The following CNTN3 variants were observed in gnomAD, a reference collection of about 807,000 sequenced individuals.
CNTN3 encodes contactin 3, also known as contactin-3.
In CNTN3, 60 loss-of-function variants were observed where a neutral mutation model predicts 119.1. That is an observed-to-expected ratio of 0.50 (90% confidence interval 0.41 to 0.62). The LOEUF (loss-of-function observed/expected upper bound fraction) is 0.62, where lower values mean the gene tolerates loss of function less well. CNTN3 is among the 20% of genes least tolerant of loss of function. CNTN3 has a pLI of 0.00. For synonymous variants in CNTN3, 450 were observed against 438.7 expected (o/e 1.03, Z -0.32); for missense variants, 1,101 against 1,242.4 (o/e 0.89, Z 1.71).
intron 4 of CNTN3, among the ~76,000 whole-genome samples, chr3:74,476,635 A>G (rs1447001920): frequency 2.0e-5 from 3 of 152,196 alleles, no homozygotes; most frequent in Admixed American, 2.0e-4. Flanking sequence ...ATGAATGAAT[A>G]CCTAAATACT....
chr3:74,370,323 G>A (rs1450943853), intron 6 of CNTN3, among the ~76,000 whole-genome samples: 5 of 152,024 alleles, frequency 3.3e-5, no homozygotes, highest in Non-Finnish European at 5.9e-5. Flanking sequence ...AGGTTACCAC[G>A]TACAGAGCAG....
At chr3:74,338,180 C>T (rs777659797) in intron 11 of CNTN3, among the ~76,000 whole-genome samples, 1 of 151,850 alleles carries the variant, frequency 6.6e-6, no homozygotes, top group Non-Finnish European at 1.5e-5. Context: ...TCATATATGC[C>T]AACTATGGTA....
At chr3:74,266,403 G>C (rs1701660527) in intron 22 of CNTN3, 78 bp downstream of exon 22, 8 of 1,375,900 alleles carry the variant, frequency 5.8e-6, no homozygotes, top group African/African-American at 1.4e-5. Context: ...AGAATGGACA[G>C]AGGGATACTG....
At chr3:74,421,063 A>G (rs978178070) in intron 5 of CNTN3, among the ~76,000 whole-genome samples, 5 of 152,210 alleles carry the variant, frequency 3.3e-5, no homozygotes, top group Non-Finnish European at 7.3e-5. Context: ...CTTTTACCCA[A>G]AAAGAATCTC....
chr3:74,502,904 C>T (rs748260021), intron 2 of CNTN3, among the ~76,000 whole-genome samples: 5 of 152,078 alleles, frequency 3.3e-5, no homozygotes, highest in African/African-American at 4.8e-5. Context: ...TTATTTGTAT[C>T]GAATTCATTG....
At chr3:74,383,492 CTTTT>C (rs1422537833) in intron 5 of CNTN3, among the ~76,000 whole-genome samples, 1 of 151,824 alleles carries the variant, frequency 6.6e-6, no homozygotes, top group Non-Finnish European at 1.5e-5. Context: ...TTTTTCTTTT[CTTTT>C]GTTTTTTGAG....
intron 19 of CNTN3, among the ~76,000 whole-genome samples, chr3:74,289,562 T>C (rs1702183488): frequency 6.6e-6 from 1 of 152,158 alleles, no homozygotes; most frequent in African/African-American, 2.4e-5. Flanking sequence ...TTTTTTTTCT[T>C]CAGTACAATC....
At chr3:74,526,034 T>A (rs1703613845) in intron 1 of CNTN3, among the ~76,000 whole-genome samples, 1 of 151,896 alleles carries the variant, frequency 6.6e-6, no homozygotes, top group African/African-American at 2.4e-5. Context: ...TTTGGCAACA[T>A]TTCTTTCAGA....
intron 4 of CNTN3, among the ~76,000 whole-genome samples, chr3:74,451,997 G>A (rs1702167028): frequency 7.2e-6 from 1 of 139,100 alleles, no homozygotes; most frequent in Admixed American, 7.3e-5. Flanking sequence ...TGGCGATGCA[G>A]GCTCTTTTTT....
intron 4 of CNTN3, among the ~76,000 whole-genome samples, chr3:74,468,376 T>A (rs1026393931): frequency 1.2e-4 from 19 of 152,154 alleles, no homozygotes; most frequent in Admixed American, 3.3e-4. Context: ...TAGATTTTTT[T>A]TAAATGAAAT....
At chr3:74,405,085 TC>T (rs1705292102) in intron 5 of CNTN3, among the ~76,000 whole-genome samples, 1 of 152,108 alleles carries the variant, frequency 6.6e-6, no homozygotes, top group Admixed American at 6.5e-5. Flanking sequence ...ATATACGGTT[TC>T]TGTCTTTGGA....
chr3:74,300,168 A>G (rs920026341), intron 16 of CNTN3, among the ~76,000 whole-genome samples: 1 of 152,198 alleles, frequency 6.6e-6, no homozygotes, highest in Non-Finnish European at 1.5e-5. Context: ...AAAATCTCTC[A>G]AACAGTAATA....
At chr3:74,466,896 A>T (rs1702471461) in intron 4 of CNTN3, among the ~76,000 whole-genome samples, 1 of 152,174 alleles carries the variant, frequency 6.6e-6, no homozygotes, top group Non-Finnish European at 1.5e-5. Context: ...TGGGAAATTG[A>T]CAGACAGCAG....
At position 74,350,527 on chromosome 3, in the gene CNTN3, C is replaced by T. The variant is rs1156580037; in HGVS notation, c.1364+11363G>A. 5.9e-5 allele frequency among the ~76,000 whole-genome samples: 9 copies of T among 152,098 alleles called. No homozygotes were observed. In the South Asian group the frequency reaches 1.9e-3, roughly 32 times the overall value. On this transcript the variant is annotated intron_variant, in intron 11 of 22. Transcript: ENST00000263665. Reference sequence around the variant, plus strand: ...AACAGCATGGAGATTTTTCAAAGAACTAAGAACATAACTACCATCCAACTC... The same window carrying T: ...AACAGCATGGAGATTTTTCAAAGAATTAAGAACATAACTACCATCCAACTC...
At chr3:74,445,887 G>A (rs554979455) in intron 4 of CNTN3, among the ~76,000 whole-genome samples, 8 of 152,246 alleles carry the variant, frequency 5.3e-5, no homozygotes, top group East Asian at 3.9e-4. Context: ...GGGCTGCCAC[G>A]TAGGACTTCA....
intron 2 of CNTN3, among the ~76,000 whole-genome samples, chr3:74,500,661 C>CA (rs1703151617): frequency 6.6e-6 from 1 of 151,764 alleles, no homozygotes; most frequent in Admixed American, 6.6e-5. Flanking sequence ...CAAGAAGCAG[C>CA]AAAAAAGGCC....
chr3:74,465,485 T>C lies in CNTN3; in HGVS notation c.358+20971A>G, dbSNP rs965680912. On this transcript the variant is annotated intron_variant, in intron 4 of 22. Coordinates refer to ENST00000263665, the MANE Select transcript of CNTN3 (RefSeq NM_020872.3). ...GATCCAACTACAGCCTTCAATTAAT[T>C]AAACAGCACTGAAATGATTTTTCTC... Among the ~76,000 whole-genome samples, 34 of 152,280 alleles carry C rather than the reference T, an allele frequency of 2.2e-4. 1 individual carries two copies. Among genetic ancestry groups the C allele is most frequent in the Middle Eastern group, 3.4e-3 (1 of 294 alleles).
intron 1 of CNTN3, among the ~76,000 whole-genome samples, chr3:74,552,771 C>T (rs1704010484): frequency 7.0e-6 from 1 of 142,290 alleles, no homozygotes; most frequent in Admixed American, 7.3e-5. Flanking sequence ...AGTGAGTGAG[C>T]TCTCACAAGA....
intron 2 of CNTN3, among the ~76,000 whole-genome samples, chr3:74,508,601 A>C (rs2107098710): frequency 6.6e-6 from 1 of 152,266 alleles, no homozygotes; most frequent in African/African-American, 2.4e-5. Context: ...ACAACTGATA[A>C]AAAGATTTCT....
Sources: allele counts gnomAD v4.1 joint callset (sites outside exome capture counted in the v4.1 genomes callset), GRCh38; gene constraint gnomAD v4.1.1; transcripts MANE v1.5; gene names NCBI Gene and HGNC (gene_info 2026-07-23, HGNC 2026-07-21).